The following CCNY variants were observed in gnomAD, a reference collection of about 807,000 sequenced individuals.
CCNY encodes cyclin Y.
CCNY carries 19 observed loss-of-function variants against 42.8 expected under a neutral mutation model. The ratio of observed to expected loss-of-function variants is 0.44; its 90% confidence interval spans 0.31 to 0.65. The LOEUF (loss-of-function observed/expected upper bound fraction) is 0.65, where lower values mean the gene tolerates loss of function less well. Ranked by LOEUF, CCNY falls within the 30% of genes least tolerant of loss-of-function variation. The pLI is 0.07. For missense variants in CCNY, 370 were observed against 437.3 expected, an observed-to-expected ratio of 0.85 and a Z score of 1.37; for synonymous variants, 165 against 162.7, an observed-to-expected ratio of 1.01 and a Z score of -0.11.
chr10:35,395,373 G>C (rs1483075654), intron 1 of CCNY, among the ~76,000 whole-genome samples: 3 of 152,184 alleles, frequency 2.0e-5, no homozygotes, highest in Non-Finnish European at 4.4e-5. Flanking sequence ...AATGGCAAGT[G>C]CAGCATGGGC....
intron 1 of CCNY, among the ~76,000 whole-genome samples, chr10:35,357,104 CCG>C (rs755839614): frequency 0.02 from 1,123 of 57,372 alleles, 11 homozygotes; most frequent in African/African-American, 0.038. Context: ...TTTGGGCATC[CCG>C]CATCACCCCG....
chr10:35,460,038 T>C (rs1471854812), intron 1 of CCNY, among the ~76,000 whole-genome samples: 2 of 152,174 alleles, frequency 1.3e-5, no homozygotes, highest in East Asian at 1.9e-4. Context: ...AAGACCTCCA[T>C]TGCATGCTAG....
chr10:35,267,917 TTCTTA>T (rs2095727246), intron 3 of CCNY, among the ~76,000 whole-genome samples: 1 of 152,098 alleles, frequency 6.6e-6, no homozygotes, highest in African/African-American at 2.4e-5. Flanking sequence ...GATACTTCAG[TTCTTA>T]TCTTCTTTTT....
At chr10:35,495,830 C>G (rs1589159528) in intron 2 of CCNY, among the ~76,000 whole-genome samples, 1 of 152,262 alleles carries the variant, frequency 6.6e-6, no homozygotes, top group Non-Finnish European at 1.5e-5. Flanking sequence ...GGCAGGAGCT[C>G]AGCAGGGCAG....
chr10:35,454,469 C>T (rs115395497), intron 1 of CCNY, among the ~76,000 whole-genome samples: 1 of 152,240 alleles, frequency 6.6e-6, no homozygotes, highest in African/African-American at 2.4e-5. Context: ...TGCAGCTTTG[C>T]ACTCTGACAT....
intron 1 of CCNY, among the ~76,000 whole-genome samples, chr10:35,362,064 A>G (rs1836698588): frequency 6.6e-6 from 1 of 152,256 alleles, no homozygotes; most frequent in Non-Finnish European, 1.5e-5. Context: ...GGTGAATGTG[A>G]AACAGAAATG....
intron 1 of CCNY, among the ~76,000 whole-genome samples, chr10:35,396,477 C>T (rs759957052): frequency 6.6e-5 from 10 of 152,190 alleles, no homozygotes; most frequent in Admixed American, 3.3e-4. Flanking sequence ...CTTGGCCCTC[C>T]GTAATTGAAT....
In CCNY at chr10:35,571,517, G is replaced by A. The variant is rs951473449; in HGVS notation, c.*2347G>A. 6.6e-6 allele frequency: 1 copy of A among 152,250 alleles called. No homozygotes were observed. Among genetic ancestry groups the A allele is most frequent in the African/African-American group, 2.4e-5 (1 of 41,422 alleles). The allele number at this position is 152,250 out of a possible 1,614,324, so 9.4% of individuals were successfully genotyped here. A position where few individuals can be genotyped will look rare whatever the true frequency, so the allele number is the denominator to read the frequency against. On this transcript the variant is annotated 3_prime_UTR_variant, in exon 10 of 10. Coordinates refer to ENST00000374704, the MANE Select transcript of CCNY (RefSeq NM_145012.6). ...GTGTTGATCTGTATTAATTGGTTATGTTTCTTGCACTAAGGATGTTTAAAA... is the reference window on the plus strand; with the variant it reads ...GTGTTGATCTGTATTAATTGGTTATATTTCTTGCACTAAGGATGTTTAAAA...
chr10:35,548,821 G>T (rs1251003413), intron 7 of CCNY, among the ~76,000 whole-genome samples: 1 of 152,078 alleles, frequency 6.6e-6, no homozygotes, highest in African/African-American at 2.4e-5. Context: ...GATCCACACA[G>T]CTCGAACCTG....
chr10:35,382,681 C>T (rs1157900748), intron 1 of CCNY, among the ~76,000 whole-genome samples: 2 of 152,130 alleles, frequency 1.3e-5, no homozygotes, highest in Admixed American at 6.5e-5. Flanking sequence ...TCCAGTAGTG[C>T]TGAGCTTGAG....
At chr10:35,540,915 T>C (rs1840986197) in intron 7 of CCNY, among the ~76,000 whole-genome samples, 1 of 152,182 alleles carries the variant, frequency 6.6e-6, no homozygotes, top group South Asian at 2.1e-4. Context: ...TTTTTCTTGG[T>C]TGGTCTACCT....
chr10:35,430,591 G>A (rs1265891796), intron 1 of CCNY, among the ~76,000 whole-genome samples: 1 of 152,100 alleles, frequency 6.6e-6, no homozygotes, highest in Non-Finnish European at 1.5e-5. Context: ...AATAACAACT[G>A]TAGTGTAGAG....
chr10:35,470,255 C>T lies in CCNY; in HGVS notation c.155-13149C>T, dbSNP rs374475115. Among the ~76,000 whole-genome samples the T allele has an allele frequency of 1.5e-3, 227 of 150,216 alleles. 6 individuals are homozygous for T. The South Asian group carries it at 0.033, about 22-fold the overall frequency. On this transcript the variant is annotated intron_variant, in intron 1 of 9. Coordinates refer to ENST00000374704, the MANE Select transcript of CCNY (RefSeq NM_145012.6). ...CAGGGAGATGGAGAGACAGACAGGG[C>T]GATGGAAAGACGGACAGGCAGGTGG...
At chr10:35,291,507 A>G (rs1383764332) in intron 3 of CCNY, among the ~76,000 whole-genome samples, 1 of 149,660 alleles carries the variant, frequency 6.7e-6, no homozygotes, top group Non-Finnish European at 1.5e-5. Context: ...TAATGCTGCT[A>G]CAGCATTTGT....
chr10:35,431,764 G>A (rs1462241538), intron 1 of CCNY, among the ~76,000 whole-genome samples: 2 of 151,998 alleles, frequency 1.3e-5, no homozygotes, highest in African/African-American at 4.8e-5. Flanking sequence ...GAGCCTCATA[G>A]GCTACGTTAG....
At chr10:35,391,585 C>A (rs1837414965) in intron 1 of CCNY, among the ~76,000 whole-genome samples, 1 of 152,194 alleles carries the variant, frequency 6.6e-6, no homozygotes, top group African/African-American at 2.4e-5. Flanking sequence ...GAGAGCTGAA[C>A]CTACTGACAT....
intron 1 of CCNY, among the ~76,000 whole-genome samples, chr10:35,426,492 A>G (rs549637241): frequency 6.6e-6 from 1 of 152,208 alleles, no homozygotes; most frequent in Non-Finnish European, 1.5e-5. Flanking sequence ...CATTGCATCA[A>G]TACCGTCCAT....
At chr10:35,561,632 C>T (rs1841468731) in intron 8 of CCNY, among the ~76,000 whole-genome samples, 1 of 152,152 alleles carries the variant, frequency 6.6e-6, no homozygotes, top group African/African-American at 2.4e-5. Context: ...TCTAGGTACC[C>T]TTCTTCCTGG....
At chr10:35,258,988 G>A (rs2095717489) in intron 3 of CCNY, among the ~76,000 whole-genome samples, 2 of 151,420 alleles carry the variant, frequency 1.3e-5, no homozygotes, top group Admixed American at 6.6e-5. Flanking sequence ...GGGAAAGGTG[G>A]TGAGGAAAAG....
Sources: allele counts gnomAD v4.1 joint callset (sites outside exome capture counted in the v4.1 genomes callset), GRCh38; gene constraint gnomAD v4.1.1; transcripts MANE v1.5; gene names NCBI Gene and HGNC (gene_info 2026-07-23, HGNC 2026-07-21).